The following VAV1 variants were observed in gnomAD, a reference collection of about 807,000 sequenced individuals.
VAV1 encodes the protein vav guanine nucleotide exchange factor 1.
A neutral mutation model predicts 128.1 loss-of-function variants in VAV1; 33 were observed. That is an observed-to-expected ratio of 0.26 (90% CI 0.20 to 0.34). The LOEUF (loss-of-function observed/expected upper bound fraction) is 0.34. Ranked by LOEUF, VAV1 falls within the 10% of genes least tolerant of loss-of-function variation. The pLI is 1.00. For missense variants in VAV1, 715 were observed against 1,093.7 expected, an observed-to-expected ratio of 0.65 and a Z score of 4.88; for synonymous variants, 394 against 409.8, an observed-to-expected ratio of 0.96 and a Z score of 0.47.
intron 1 of VAV1, among the ~76,000 whole-genome samples, chr19:6,776,053 CATCT>C (rs944549081): frequency 6.6e-6 from 1 of 151,810 alleles, no homozygotes; most frequent in Non-Finnish European, 1.5e-5. Flanking sequence ...ATTATCCATC[CATCT>C]ACCCATCCAT....
At chr19:6,814,687 T>TCTTTCTTTCTTTCTTC (rs1971596612) in intron 1 of VAV1, among the ~76,000 whole-genome samples, 1 of 105,220 alleles carries the variant, frequency 9.5e-6, no homozygotes, top group Non-Finnish European at 1.8e-5. Context: ...TTTCTTTCTT[T>TCTTTCTTTCTTTCTTC]CTTTCTTTCT....
chr19:6,798,473 T>TA (rs529820527), intron 1 of VAV1, among the ~76,000 whole-genome samples: 3 of 151,400 alleles, frequency 2.0e-5, no homozygotes, highest in Admixed American at 1.3e-4. Context: ...CTCTAATAAA[T>TA]AATAAATAAA....
chr19:6,827,969 G>A lies in VAV1; in HGVS notation c.928-107G>A, dbSNP rs1198646121. ...CCTCTAGAAAAATTCCCACAGCTCTGGGGTGGAGAGCTGCTCACGTATTTA... is the reference window on the plus strand; with the variant it reads ...CCTCTAGAAAAATTCCCACAGCTCTAGGGTGGAGAGCTGCTCACGTATTTA... On this transcript the variant is annotated intron_variant, in intron 9 of 26. Transcript: ENST00000602142. 18 of 905,920 alleles carry A rather than the reference G, an allele frequency of 2.0e-5. No individual in the cohort carries two copies. The South Asian group carries it at 2.1e-4, about 10-fold the overall frequency. The allele number at this position is 905,920 out of a possible 1,614,324, so 56.1% of individuals were successfully genotyped here.
chr19:6,805,750 A>G (rs1006219193), intron 1 of VAV1, among the ~76,000 whole-genome samples: 1 of 127,766 alleles, frequency 7.8e-6, no homozygotes, highest in African/African-American at 3.4e-5. Context: ...ACATATGTGT[A>G]TATATATATG....
At chr19:6,789,941 C>T (rs182788725) in intron 1 of VAV1, among the ~76,000 whole-genome samples, 37 of 152,258 alleles carry the variant, frequency 2.4e-4, no homozygotes, top group African/African-American at 8.9e-4. Flanking sequence ...CGTGGTGGCT[C>T]ATGCCTGTAA....
Position 6,836,481 on chromosome 19 carries a change from C to T in VAV1, c.1827C>T (p.Pro609=). The change falls in exon 20 of 27, where the codon CCC becomes CCT. Residue 609 remains proline, a synonymous_variant. Coordinates refer to ENST00000602142, the MANE Select transcript of VAV1 (RefSeq NM_005428.4). The stretch of plus-strand genomic sequence containing the variant: ...AGGAATACTACGGGCTTCCTCCACC[C>T]CCTGGAGCCATTGGACCCTTTCTAC... ...VFQEYYGLPP[P]PGAIGPFLRL... 1.9e-6 allele frequency: 3 copies of T among 1,614,074 alleles called. No homozygotes were observed. Among genetic ancestry groups the T allele is most frequent in the Non-Finnish European group, 2.5e-6 (3 of 1,180,036 alleles).
At chr19:6,788,318 C>T (rs530766086) in intron 1 of VAV1, among the ~76,000 whole-genome samples, 7 of 150,986 alleles carry the variant, frequency 4.6e-5, no homozygotes, top group Admixed American at 3.3e-4. Flanking sequence ...AAGGTCCTAG[C>T]ATTATCCTTC....
intron 22 of VAV1, among the ~76,000 whole-genome samples, chr19:6,847,449 G>GT (rs1416083587): frequency 6.6e-6 from 1 of 152,124 alleles, no homozygotes; most frequent in Non-Finnish European, 1.5e-5. Flanking sequence ...TGAGTGTGAT[G>GT]TTTTAAGGCT....
At chr19:6,832,293 C>T (rs1972078609) in intron 15 of VAV1, 93 bp downstream of exon 15, 2 of 1,181,112 alleles carry the variant, frequency 1.7e-6, no homozygotes, top group Non-Finnish European at 1.2e-6. Flanking sequence ...TCCTGACATG[C>T]CATGGGACCA....
chr19:6,830,069 C>T (rs1175712823), intron 14 of VAV1, 151 bp downstream of exon 14: 2 of 1,342,430 alleles, frequency 1.5e-6, no homozygotes, highest in Non-Finnish European at 2.0e-6. Context: ...TTGTTTTGTT[C>T]TGTTTTTTAA....
Position 6,830,931 on chromosome 19 carries a change from A to T in VAV1, c.1398+1013A>T, listed in dbSNP as rs563731830. Among the ~76,000 whole-genome samples, 146 of 152,176 alleles carry T rather than the reference A, an allele frequency of 9.6e-4. 1 individual carries two copies. The highest frequency in any genetic ancestry group is 1.8e-3 in the Non-Finnish European group (121 of 67,996). ...AGGGAGATCCCCGTCTCTACAAAAC[A>T]TAAAAAAAAATTTAGCTGGGCTTGG... On this transcript the variant is annotated intron_variant, in intron 14 of 26. Coordinates refer to ENST00000602142, the MANE Select transcript of VAV1 (RefSeq NM_005428.4).
intron 23 of VAV1, among the ~76,000 whole-genome samples, chr19:6,848,980 G>A (rs778633447): frequency 1.4e-4 from 21 of 151,558 alleles, no homozygotes; most frequent in Middle Eastern, 3.4e-3. Context: ...TTTTTGTAGA[G>A]ACGAGGGTCT....
At position 6,829,899 on chromosome 19, in the gene VAV1, G is replaced by T. The variant is rs1972013672; in HGVS notation, c.1379G>T (p.Gly460Val). The T allele has an allele frequency of 6.2e-7, 1 of 1,614,196 alleles. No individual in the cohort carries two copies. Among genetic ancestry groups the T allele is most frequent in the Non-Finnish European group, 8.5e-7 (1 of 1,180,042 alleles). The change falls in exon 14 of 27, where the codon GGA becomes GTA. Residue 460 changes from glycine (G) to valine (V), a missense_variant. Around this residue, in one of 3 missense-constraint regions of VAV1, gnomAD observed 407 missense variants for 580.6 expected, o/e 0.70. Transcript: ENST00000602142. ...HSFQVRDDSSGDRDNKKWSHM... is the reference protein window; with the variant it reads ...HSFQVRDDSSVDRDNKKWSHM... ...TTCCAGGTTCGGGATGACTCTTCAG[G>T]AGACCGAGACAACAAGAAGGTGGGG...
At chr19:6,796,334 A>T (rs1971135079) in intron 1 of VAV1, among the ~76,000 whole-genome samples, 1 of 142,244 alleles carries the variant, frequency 7.0e-6, no homozygotes, top group African/African-American at 3.0e-5. Context: ...GAGATATGGC[A>T]GAATATGGGG....
chr19:6,784,372 C>G (rs773852044), intron 1 of VAV1: 31 of 416,534 alleles, frequency 7.4e-5, no homozygotes, highest in Admixed American at 3.9e-4. Context: ...GTGATAGCAA[C>G]TTCAGCAAAA....
chr19:6,856,773 T>A (rs530002364), intron 26 of VAV1, among the ~76,000 whole-genome samples: 1 of 147,726 alleles, frequency 6.8e-6, no homozygotes, highest in East Asian at 2.0e-4. Context: ...GAAAAGGGGC[T>A]AAGGAGTGTT....
intron 1 of VAV1, among the ~76,000 whole-genome samples, chr19:6,774,452 T>TTTTTTTTTTTTTTC (rs1970576652): frequency 8.5e-6 from 1 of 118,282 alleles, no homozygotes; most frequent in African/African-American, 3.4e-5. Context: ...TTTTTTTTTT[T>TTTTTTTTTTTTTTC]AAAGACAGGG....
At chr19:6,838,977 A>G (rs868567588) in intron 21 of VAV1, among the ~76,000 whole-genome samples, 48 of 152,058 alleles carry the variant, frequency 3.2e-4, no homozygotes, top group African/African-American at 1.1e-3. Flanking sequence ...ATCTCGGCTC[A>G]TTGCAACCTC....
intron 1 of VAV1, among the ~76,000 whole-genome samples, chr19:6,778,942 T>A (rs1970702470): frequency 6.8e-6 from 1 of 146,764 alleles, no homozygotes; most frequent in South Asian, 2.2e-4. Context: ...AGTGGTATGA[T>A]CACAGCTCAC....
Sources: gnomAD v4.1 joint callset for allele counts (sites outside exome capture counted in the v4.1 genomes callset) on GRCh38, gnomAD v4.1.1 for gene constraint, gnomAD v4.1.1 regional missense constraint, MANE v1.5 for transcripts, NCBI Gene and HGNC (gene_info 2026-07-23, HGNC 2026-07-21) for gene names.